TMEM184B: variants seen among roughly 807,000 people sequenced by gnomAD.
TMEM184B encodes the protein transmembrane protein 184B, also known as putative MAPK-activating protein FM08.
Under a neutral mutation model 41.8 loss-of-function variants are expected in TMEM184B, and 17 were observed. The observed-to-expected ratio is 0.41, with a 90% CI of 0.28 to 0.61. TMEM184B has a LOEUF of 0.61. TMEM184B is among the 20% of genes least tolerant of loss of function. The pLI, the probability that TMEM184B is intolerant of heterozygous loss-of-function variation, is 0.34. For missense variants in TMEM184B, 393 were observed against 557.8 expected (o/e 0.70, Z 2.98); for synonymous variants, 240 against 229.5 (o/e 1.05, Z -0.41).
chr22:38,228,805 C>CTGA (rs2091527662), intron 5 of TMEM184B, among the ~76,000 whole-genome samples: 1 of 152,194 alleles, frequency 6.6e-6, no homozygotes, highest in Non-Finnish European at 1.5e-5. Flanking sequence ...AACAGAACAT[C>CTGA]TGAGCCCACA....
At chr22:38,268,524 C>A (rs1213360763) in intron 1 of TMEM184B, among the ~76,000 whole-genome samples, 2 of 152,074 alleles carry the variant, frequency 1.3e-5, no homozygotes, top group African/African-American at 4.8e-5. Context: ...CAATTCTTCT[C>A]TCTGTGGCCG....
chr22:38,235,442 C>T (rs531488110), intron 3 of TMEM184B, among the ~76,000 whole-genome samples: 8 of 152,322 alleles, frequency 5.3e-5, no homozygotes, highest in African/African-American at 1.4e-4. Context: ...TTTTGAATTA[C>T]GTGGCCGAGG....
chr22:38,259,754 T>G (rs1162776398), intron 1 of TMEM184B, among the ~76,000 whole-genome samples: 1 of 152,234 alleles, frequency 6.6e-6, no homozygotes, highest in Admixed American at 6.5e-5. Context: ...TTGGTTTTTC[T>G]TATTGTAAGT....
rs2091218607 is a variant in TMEM184B, at chr22:38,220,112, T to C, written c.*1357A>G. On this transcript the variant is annotated 3_prime_UTR_variant, in exon 9 of 9. Transcript: ENST00000361906. ...CTGGGTTTTAAATGCCAGGACACTT[T>C]GCCTGTAGGGACACGTGTTGTGACA... The C allele has an allele frequency of 2.0e-6, 2 of 985,328 alleles. No homozygotes were observed. The highest frequency in any genetic ancestry group is 1.7e-5 in the African/African-American group (1 of 57,206). 61.0% of individuals were successfully genotyped at this position (985,328 alleles called of 1,614,324 possible).
At chr22:38,258,130 GCT>G (rs1013887202) in intron 1 of TMEM184B, among the ~76,000 whole-genome samples, 2 of 152,112 alleles carry the variant, frequency 1.3e-5, no homozygotes, top group East Asian at 1.9e-4. Flanking sequence ...TTTGTCCCAG[GCT>G]CTGAGACAGG....
At chr22:38,259,202 C>T (rs531705280) in intron 1 of TMEM184B, among the ~76,000 whole-genome samples, 3 of 152,320 alleles carry the variant, frequency 2.0e-5, no homozygotes, top group East Asian at 1.9e-4. Context: ...CAGATTCTAT[C>T]GTCAGAGTCA....
intron 1 of TMEM184B, among the ~76,000 whole-genome samples, chr22:38,259,537 C>T (rs73409214): frequency 0.012 from 1,857 of 152,218 alleles, 42 homozygotes; most frequent in African/African-American, 0.042. Context: ...GAAGCTGCTA[C>T]GCTGCTGCCC....
intron 1 of TMEM184B, among the ~76,000 whole-genome samples, chr22:38,257,775 T>C (rs1486878750): frequency 6.6e-6 from 1 of 152,166 alleles, no homozygotes; most frequent in Non-Finnish European, 1.5e-5. Flanking sequence ...ATCCACATAT[T>C]GGGGGTGCAT....
At chr22:38,252,971 T>C (rs1485666273) in intron 1 of TMEM184B, among the ~76,000 whole-genome samples, 2 of 151,736 alleles carry the variant, frequency 1.3e-5, no homozygotes, top group Non-Finnish European at 2.9e-5. Context: ...TGAAACCCCA[T>C]CTCTACTAAA....
In TMEM184B at chr22:38,246,012, T is replaced by G. The variant is rs1185426215; in HGVS notation, c.281A>C (p.Asp94Ala). ...ILFIVPIYAFDSWLSLLFFTN... is the reference protein window; with the variant it reads ...ILFIVPIYAFASWLSLLFFTN... Reference sequence around the variant, plus strand: ...GAAGAAGAGGAGGCTGAGCCAGGAGTCAAAGGCGTAGATGGGCACGATGAA... The same window carrying G: ...GAAGAAGAGGAGGCTGAGCCAGGAGGCAAAGGCGTAGATGGGCACGATGAA... The change falls in exon 3 of 9, where the codon GAC becomes GCC. Residue 94 changes from aspartate (D) to alanine (A), a missense_variant. By Grantham distance (126) the Asp-to-Ala change is moderately radical. Around this residue, in one of 2 missense-constraint regions of TMEM184B, gnomAD observed 271 missense variants for 434.1 expected, o/e 0.62. Transcript: ENST00000361906. The G allele has an allele frequency of 6.2e-7, 1 of 1,612,772 alleles. No individual in the cohort carries two copies. The highest frequency in any genetic ancestry group is 1.3e-5 in the African/African-American group (1 of 74,678).
intron 1 of TMEM184B, among the ~76,000 whole-genome samples, chr22:38,267,571 T>A (rs2145788718): frequency 6.6e-6 from 1 of 152,162 alleles, no homozygotes; most frequent in African/African-American, 2.4e-5. Flanking sequence ...TAGCTGGGTT[T>A]ACAGGCACAT....
rs1280816114 is a variant in TMEM184B, at chr22:38,219,613, C to T, written c.*1856G>A. ...CGGGCACATGTTCCCGTCCCCACGA[C>T]CCCACGGACCGCTGATTCCCTGCCA... On this transcript the variant is annotated 3_prime_UTR_variant, in exon 9 of 9. Coordinates refer to ENST00000361906, the MANE Select transcript of TMEM184B (RefSeq NM_012264.5). 1.0e-6 allele frequency: 1 copy of T among 985,372 alleles called. No individual in the cohort carries two copies. Among genetic ancestry groups the T allele is most frequent in the Non-Finnish European group, 1.2e-6 (1 of 829,926 alleles). 61.0% of individuals were successfully genotyped at this position (985,372 alleles called of 1,614,324 possible).
At chr22:38,257,961 T>A (rs1292388251) in intron 1 of TMEM184B, among the ~76,000 whole-genome samples, 1 of 152,186 alleles carries the variant, frequency 6.6e-6, no homozygotes, top group Non-Finnish European at 1.5e-5. Context: ...CAAGGCCCCC[T>A]GGCTCAGTTC....
Position 38,247,833 on chromosome 22 carries a change from T to C in TMEM184B, c.129A>G (p.Thr43=). Residue 43 remains threonine (T), a synonymous_variant, in exon 2 of 9, where the codon ACA becomes ACG. Coordinates refer to ENST00000361906, the MANE Select transcript of TMEM184B (RefSeq NM_012264.5). ...TAMEQPVFLM[T]TAAQAISGFF... is the part of the protein sequence containing the mutation. ...AGCCAGAGATGGCCTGAGCGGCAGT[T>C]GTCATCAGGAACACAGGCTGCTCCA... 6.2e-7 allele frequency: 1 copy of C among 1,613,916 alleles called. No individual in the cohort carries two copies. Among genetic ancestry groups the C allele is most frequent in the Non-Finnish European group, 8.5e-7 (1 of 1,179,980 alleles).
In TMEM184B at chr22:38,220,764, G is replaced by A. The variant is rs992320635; in HGVS notation, c.*705C>T. On this transcript the variant is annotated 3_prime_UTR_variant, in exon 9 of 9. Coordinates refer to ENST00000361906, the MANE Select transcript of TMEM184B (RefSeq NM_012264.5). The stretch of plus-strand genomic sequence containing the variant: ...TTGGTAGGCCAGGGGGAAGGGGCAT[G>A]AGGCAGGCAGAGGTGTGGCCACGAC... The A allele has an allele frequency of 3.0e-6, 3 of 986,150 alleles. No individual in the cohort carries two copies. In the African/African-American group the frequency reaches 5.2e-5, roughly 17 times the overall value. The allele number at this position is 986,150 out of a possible 1,614,324, so 61.1% of individuals were successfully genotyped here.
chr22:38,224,887 A>G lies in TMEM184B; in HGVS notation c.880T>C (p.Tyr294His). The part of the protein sequence containing the change: ...SVGEGTVAAG[Y>H]QDFIICVEMF... ...TCCACACAGATGATGAAGTCCTGGTAGCCGGCAGCCACGGTGCCCTCGCCC... is the reference window on the plus strand; with the variant it reads ...TCCACACAGATGATGAAGTCCTGGTGGCCGGCAGCCACGGTGCCCTCGCCC... Residue 294 changes from tyrosine (Y) to histidine (H), a missense_variant, in exon 8 of 9, where the codon TAC becomes CAC. Physicochemically the swap from Tyr to His is moderately conservative, Grantham distance 83 (BLOSUM62 2). This residue lies in a region of TMEM184B where 271 missense variants were observed against 434.1 expected (regional missense o/e 0.62). Transcript: ENST00000361906. 6.2e-7 allele frequency: 1 copy of G among 1,613,520 alleles called. No individual in the cohort carries two copies.
At chr22:38,248,430 T>A (rs1332114349) in intron 1 of TMEM184B, among the ~76,000 whole-genome samples, 1 of 152,240 alleles carries the variant, frequency 6.6e-6, no homozygotes, top group Non-Finnish European at 1.5e-5. Flanking sequence ...TCTTTGCTGT[T>A]CCTTGAACAT....
intron 1 of TMEM184B, among the ~76,000 whole-genome samples, chr22:38,256,216 C>CT (rs34076108): frequency 0.58 from 83,702 of 144,456 alleles, 25,541 homozygotes; most frequent in African/African-American, 0.81. Context: ...CCCAGGGGAC[C>CT]TTTTTTTTTT....
chr22:38,227,136 A>G lies in TMEM184B; in HGVS notation c.526-266T>C, dbSNP rs534457186. 2.6e-3 allele frequency among the ~76,000 whole-genome samples: 388 copies of G among 152,022 alleles called. 2 individuals are homozygous for G. The highest frequency in any genetic ancestry group is 8.9e-3 in the African/African-American group (370 of 41,442). ...CTGCGCGGGGCGGGGGGCAGAACAT[A>G]TAGGAGATGCAGCCAGCGCAATGCC... is the stretch of plus-strand genomic sequence containing the variant. On this transcript the variant is annotated intron_variant, in intron 5 of 8. Transcript: ENST00000361906.
Sources: allele counts gnomAD v4.1 joint callset (sites outside exome capture counted in the v4.1 genomes callset), GRCh38; gene constraint gnomAD v4.1.1; regional missense constraint gnomAD v4.1.1; transcripts MANE v1.5; gene names NCBI Gene and HGNC (gene_info 2026-07-23, HGNC 2026-07-21).